Variants in SLC39A12 observed in about 807,000 individuals in gnomAD.
SLC39A12 encodes zinc transporter ZIP12.
SLC39A12 carries 63 observed loss-of-function variants against 71.1 expected under a neutral mutation model. The ratio of observed to expected loss-of-function variants is 0.89; its 90% CI spans 0.72 to 1.09. The LOEUF is 1.09. SLC39A12 is among the 50% of genes least tolerant of loss of function. SLC39A12 has a pLI of 0.00. For synonymous variants in SLC39A12, 351 were observed against 301.3 expected, an observed-to-expected ratio of 1.16 and a Z score of -1.71; for missense variants, 892 against 812.6, an observed-to-expected ratio of 1.10 and a Z score of -1.19.
intron 12 of SLC39A12, among the ~76,000 whole-genome samples, chr10:18,024,122 C>T (rs1383138043): frequency 1.3e-5 from 2 of 152,126 alleles, no homozygotes; most frequent in Non-Finnish European, 2.9e-5. Flanking sequence ...GGTGGGGTGG[C>T]TGTGTCGGGG....
At chr10:18,022,749 A>G (rs1001086296) in intron 12 of SLC39A12, among the ~76,000 whole-genome samples, 5 of 152,022 alleles carry the variant, frequency 3.3e-5, no homozygotes, top group Admixed American at 2.6e-4. Flanking sequence ...GTTCTTTCAC[A>G]TCTGTGTGGG....
At chr10:18,003,395 C>T in intron 12 of SLC39A12, 37 bp downstream of exon 12, 1 of 1,553,642 alleles carries the variant, frequency 6.4e-7, no homozygotes, top group South Asian at 1.2e-5. Context: ...TTTTTCTAAG[C>T]ACTGAAAATG....
chr10:17,993,133 C>CA (rs1344349243), intron 8 of SLC39A12, 48 bp from the exon 9 acceptor site: 7 of 1,361,324 alleles, frequency 5.1e-6, no homozygotes, highest in Non-Finnish European at 7.2e-6. Context: ...AAAGACTACA[C>CA]CTGTGTTCTT....
chr10:17,994,983 T>C (rs1835648375), intron 9 of SLC39A12, among the ~76,000 whole-genome samples: 1 of 152,164 alleles, frequency 6.6e-6, no homozygotes, highest in Non-Finnish European at 1.5e-5. Flanking sequence ...TTTTCAGAAA[T>C]TGGTCTGTGA....
At chr10:17,988,190 C>T (rs2130820607) in intron 7 of SLC39A12, among the ~76,000 whole-genome samples, 1 of 152,258 alleles carries the variant, frequency 6.6e-6, no homozygotes, top group South Asian at 2.1e-4. Flanking sequence ...CGTCTGTAAT[C>T]CTAGCTACTC....
intron 6 of SLC39A12, among the ~76,000 whole-genome samples, chr10:17,984,953 C>G (rs1016196310): frequency 6.6e-6 from 1 of 152,206 alleles, no homozygotes; most frequent in Admixed American, 6.5e-5. Context: ...ACTGCCAACT[C>G]TATTTTAATA....
intron 9 of SLC39A12, among the ~76,000 whole-genome samples, chr10:17,993,982 G>A (rs980045815): frequency 1.3e-4 from 20 of 152,184 alleles, no homozygotes; most frequent in Non-Finnish European, 2.6e-4. Context: ...TAGAAATGAG[G>A]AGGCTATTCC....
In SLC39A12 at chr10:18,031,349, G is replaced by A. The variant is rs988682011; in HGVS notation, c.1948-11356G>A. Among the ~76,000 whole-genome samples, 232 of 142,814 alleles carry A rather than the reference G, an allele frequency of 1.6e-3. 4 individuals are homozygous for A. Among genetic ancestry groups the A allele is most frequent in the African/African-American group, 5.8e-3 (226 of 38,986 alleles). The allele number at this position is 142,814 out of a possible 152,430, so 93.7% of individuals were successfully genotyped here. ...TTTAATGATTGCCATTCTAACTGGT[G>A]TGAGATGGTATCTCATAGTGGTTTT... On this transcript the variant is annotated intron_variant, in intron 12 of 12. Coordinates refer to ENST00000377369, the MANE Select transcript of SLC39A12 (RefSeq NM_001145195.2).
At chr10:18,031,079 G>C (rs1836834534) in intron 12 of SLC39A12, among the ~76,000 whole-genome samples, 1 of 148,456 alleles carries the variant, frequency 6.7e-6, no homozygotes, top group Non-Finnish European at 1.5e-5. Flanking sequence ...CCAAGTCTTT[G>C]CTATTGTGAA....
intron 6 of SLC39A12, among the ~76,000 whole-genome samples, chr10:17,985,955 C>G (rs1280968643): frequency 6.6e-6 from 1 of 152,158 alleles, no homozygotes; most frequent in Non-Finnish European, 1.5e-5. Context: ...ATTCATTGAT[C>G]AGTTTTCACC....
At chr10:18,011,057 C>A (rs961760683) in intron 12 of SLC39A12, among the ~76,000 whole-genome samples, 1 of 151,978 alleles carries the variant, frequency 6.6e-6, no homozygotes, top group Non-Finnish European at 1.5e-5. Context: ...AAAGCCCAGG[C>A]GCCCCCTCCA....
At position 17,987,610 on chromosome 10, in the gene SLC39A12, G is replaced by A. The variant is rs766655284; in HGVS notation, c.1228G>A (p.Gly410Arg). 8.1e-6 allele frequency: 13 copies of A among 1,613,978 alleles called. No homozygotes were observed. The African/African-American group carries it at 1.5e-4, about 18-fold the overall frequency. Reference protein sequence around the residue: ...ILQLFVGLAVGTLSGDALLHL... With the variant: ...ILQLFVGLAVRTLSGDALLHL... ...ACAGCTGTTTGTGGGCTTGGCCGTC[G>A]GGACACTGTCTGGGGACGCTCTGCT... The change falls in exon 7 of 13, where the codon GGG (glycine) becomes AGG (arginine). Residue 410 changes from glycine to arginine, a missense_variant. Gly to Arg is a moderately radical substitution (Grantham distance 125). Coordinates refer to ENST00000377369, the MANE Select transcript of SLC39A12 (RefSeq NM_001145195.2).
chr10:18,042,759 C>G lies in SLC39A12; in HGVS notation c.2002C>G (p.Gln668Glu). 1 of 1,613,404 alleles carries G rather than the reference C, an allele frequency of 6.2e-7. No homozygotes were observed. ...ACGACCCTGGATGATGTTTCTCCTG[C>G]AAAACTTTGGATTGATCCTAGGTTG... ...TQRPWMMFLLQNFGLILGWLS... is the reference protein window; with the variant it reads ...TQRPWMMFLLENFGLILGWLS... The change falls in exon 13 of 13, where the codon CAA (glutamine) becomes GAA (glutamate). Residue 668 changes from glutamine (Q) to glutamate (E), a missense_variant. Gln to Glu is a conservative substitution (Grantham distance 29, BLOSUM62 2). Transcript: ENST00000377369.
chr10:17,988,502 C>T (rs1009078246), intron 7 of SLC39A12, among the ~76,000 whole-genome samples: 1 of 152,338 alleles, frequency 6.6e-6, no homozygotes, highest in Middle Eastern at 3.4e-3. Context: ...CCTGTACACC[C>T]TGCAGAACCA....
chr10:18,014,264 T>A (rs1184519319), intron 12 of SLC39A12, among the ~76,000 whole-genome samples: 1 of 152,220 alleles, frequency 6.6e-6, no homozygotes, highest in Non-Finnish European at 1.5e-5. Context: ...GTTCATTGTT[T>A]GTGTTTATAA....
intron 2 of SLC39A12, among the ~76,000 whole-genome samples, chr10:17,954,494 T>C (rs1454609025): frequency 6.6e-6 from 1 of 152,106 alleles, no homozygotes; most frequent in African/African-American, 2.4e-5. Context: ...GACCTCGTGA[T>C]CTGCCTGCCG....
chr10:18,024,850 A>G (rs1039917946), intron 12 of SLC39A12, among the ~76,000 whole-genome samples: 12 of 152,226 alleles, frequency 7.9e-5, no homozygotes. Context: ...ATTTATCATT[A>G]TGTAATACAC....
At chr10:17,975,207 G>A (rs1835079371) in intron 4 of SLC39A12, among the ~76,000 whole-genome samples, 1 of 152,106 alleles carries the variant, frequency 6.6e-6, no homozygotes, top group South Asian at 2.1e-4. Flanking sequence ...CCATCCAAGG[G>A]CCAAGTCCTG....
chr10:18,039,725 C>CA (rs1435349732), intron 12 of SLC39A12, among the ~76,000 whole-genome samples: 2 of 151,278 alleles, frequency 1.3e-5, no homozygotes, highest in East Asian at 1.9e-4. Context: ...GACCCTGAAT[C>CA]AAAAAAAAGA....
Sources: allele counts gnomAD v4.1 joint callset (sites outside exome capture counted in the v4.1 genomes callset), GRCh38; gene constraint gnomAD v4.1.1; transcripts MANE v1.5; gene names NCBI Gene and HGNC (gene_info 2026-07-23, HGNC 2026-07-21).